The following CNTN1 variants were observed in gnomAD, a reference collection of about 807,000 sequenced individuals.
The protein encoded by CNTN1 is contactin 1.
Under a neutral mutation model 126.4 loss-of-function variants are expected in CNTN1, and 38 were observed. That is an observed-to-expected ratio of 0.30 (90% CI 0.23 to 0.39). The LOEUF (loss-of-function observed/expected upper bound fraction) is 0.39. Ranked by LOEUF, CNTN1 falls within the 10% of genes least tolerant of loss-of-function variation. The pLI, the probability that CNTN1 is intolerant of heterozygous loss-of-function variation, is 1.00. For missense variants in CNTN1, 1,009 were observed against 1,248.4 expected, an observed-to-expected ratio of 0.81 and a Z score of 2.89; for synonymous variants, 413 against 422.6, an observed-to-expected ratio of 0.98 and a Z score of 0.28.
At chr12:40,976,344 T>C (rs978534464) in intron 15 of CNTN1, among the ~76,000 whole-genome samples, 1 of 152,196 alleles carries the variant, frequency 6.6e-6, no homozygotes. Flanking sequence ...AACTGACCAA[T>C]TTCTCTCTTT....
At chr12:40,872,950 A>G (rs12146744) in intron 1 of CNTN1, among the ~76,000 whole-genome samples, 35,836 of 152,080 alleles carry the variant, frequency 0.24, 4,766 homozygotes, top group South Asian at 0.35. Context: ...TAAAAAATGC[A>G]TAAACTTAGG....
At position 40,740,359 on chromosome 12, in the gene CNTN1, T is replaced by A. The variant is rs562768067; in HGVS notation, c.-77+47767T>A. Among the ~76,000 whole-genome samples, 13 of 152,232 alleles carry A rather than the reference T, an allele frequency of 8.5e-5. No individual in the cohort carries two copies. The South Asian group carries it at 2.7e-3, about 32-fold the overall frequency. ...TACTTTTTGCCCCAATTCAGATTTA[T>A]GTCACCTTTCTTCTGGAAATTATAG... is the stretch of plus-strand genomic sequence containing the variant. On this transcript the variant is annotated intron_variant, in intron 1 of 23. Coordinates refer to ENST00000551295, the MANE Select transcript of CNTN1 (RefSeq NM_001843.4).
chr12:40,806,962 T>C (rs530096129), intron 1 of CNTN1, among the ~76,000 whole-genome samples: 33 of 152,276 alleles, frequency 2.2e-4, no homozygotes, highest in Non-Finnish European at 2.2e-4. Context: ...TCTTTGCAGC[T>C]TTCTACATCC....
intron 1 of CNTN1, among the ~76,000 whole-genome samples, chr12:40,907,165 G>A (rs1944861363): frequency 6.6e-6 from 1 of 152,134 alleles, no homozygotes; most frequent in African/African-American, 2.4e-5. Context: ...AGCAGTGGTT[G>A]AGGCAGGAAG....
intron 1 of CNTN1, among the ~76,000 whole-genome samples, chr12:40,812,923 T>G (rs1440321799): frequency 6.7e-6 from 1 of 150,242 alleles, no homozygotes; most frequent in African/African-American, 2.4e-5. Context: ...AGGTAAGGAC[T>G]TAATACTGCC....
At chr12:40,740,988 T>C (rs1233674801) in intron 1 of CNTN1, among the ~76,000 whole-genome samples, 1 of 152,050 alleles carries the variant, frequency 6.6e-6, no homozygotes, top group Non-Finnish European at 1.5e-5. Context: ...CTTAGCAGTA[T>C]GAAAATGGAC....
chr12:40,934,646 T>C (rs1326697679), intron 9 of CNTN1, among the ~76,000 whole-genome samples: 1 of 151,918 alleles, frequency 6.6e-6, no homozygotes, highest in African/African-American at 2.4e-5. Flanking sequence ...TAACTCTGGC[T>C]ACTGTCCCAT....
intron 23 of CNTN1, among the ~76,000 whole-genome samples, chr12:41,067,518 C>CA (rs1194318050): frequency 6.8e-6 from 1 of 148,010 alleles, no homozygotes; most frequent in East Asian, 2.0e-4. Context: ...ATCACAAGAA[C>CA]AAAAAACCAA....
At chr12:40,886,293 T>A (rs1480662089) in intron 1 of CNTN1, among the ~76,000 whole-genome samples, 2 of 152,122 alleles carry the variant, frequency 1.3e-5, no homozygotes, top group South Asian at 2.1e-4. Flanking sequence ...CGATGGGCCC[T>A]GTCTTCACAG....
intron 5 of CNTN1, 37 bp from the exon 6 acceptor site, chr12:40,924,520 G>C: frequency 9.3e-7 from 1 of 1,070,666 alleles, no homozygotes; most frequent in Non-Finnish European, 1.4e-6. Context: ...CTATTGACCA[G>C]AGAGTGAATG....
At chr12:40,937,495 A>G in intron 10 of CNTN1, 75 bp from the exon 11 acceptor site, 1 of 991,104 alleles carries the variant, frequency 1.0e-6, no homozygotes, top group Non-Finnish European at 1.6e-6. Flanking sequence ...ATGAAAAGAC[A>G]ACCAAACCCA....
intron 1 of CNTN1, among the ~76,000 whole-genome samples, chr12:40,713,734 A>C (rs1276108522): frequency 6.6e-6 from 1 of 151,968 alleles, no homozygotes; most frequent in Non-Finnish European, 1.5e-5. Context: ...GAATGAAGGA[A>C]CTCTATATGT....
chr12:40,804,285 A>C (rs1260379100), intron 1 of CNTN1, among the ~76,000 whole-genome samples: 1 of 152,098 alleles, frequency 6.6e-6, no homozygotes, highest in East Asian at 1.9e-4. Flanking sequence ...AATGTTAATA[A>C]AATTCAAAAC....
intron 7 of CNTN1, among the ~76,000 whole-genome samples, chr12:40,931,707 C>A (rs1303591958): frequency 6.6e-6 from 1 of 151,896 alleles, no homozygotes; most frequent in Non-Finnish European, 1.5e-5. Context: ...GGACAGCTAA[C>A]CCTGTGGTTC....
chr12:40,809,010 C>T (rs540199155), intron 1 of CNTN1, among the ~76,000 whole-genome samples: 22 of 152,106 alleles, frequency 1.4e-4, no homozygotes, highest in African/African-American at 3.6e-4. Context: ...TTGCATCTGA[C>T]GATTTTTCAC....
intron 1 of CNTN1, among the ~76,000 whole-genome samples, chr12:40,739,039 C>T (rs1407294621): frequency 6.6e-6 from 1 of 151,980 alleles, no homozygotes; most frequent in East Asian, 1.9e-4. Flanking sequence ...ACCCAGGCTG[C>T]ACTACAAACC....
intron 1 of CNTN1, among the ~76,000 whole-genome samples, chr12:40,735,770 A>G (rs1341055410): frequency 6.6e-6 from 1 of 152,138 alleles, no homozygotes. Context: ...CATATCTCAG[A>G]CACAGCCAGC....
intron 1 of CNTN1, among the ~76,000 whole-genome samples, chr12:40,735,575 G>T (rs2082807748): frequency 6.6e-6 from 1 of 152,068 alleles, no homozygotes; most frequent in African/African-American, 2.4e-5. Context: ...GGAGACCAAA[G>T]ATACTTCCTC....
At chr12:41,054,023 T>G (rs1949747492) in intron 23 of CNTN1, among the ~76,000 whole-genome samples, 1 of 151,792 alleles carries the variant, frequency 6.6e-6, no homozygotes, top group Non-Finnish European at 1.5e-5. Context: ...AAAGGAAACA[T>G]TTTATATCTG....
Sources: gnomAD v4.1 joint callset for allele counts (sites outside exome capture counted in the v4.1 genomes callset) on GRCh38, gnomAD v4.1.1 for gene constraint, MANE v1.5 for transcripts, NCBI Gene and HGNC (gene_info 2026-07-23, HGNC 2026-07-21) for gene names.